OTOA: variants seen among roughly 807,000 people sequenced by gnomAD.
The protein encoded by OTOA is cancer/testis antigen 108.
In OTOA, 70 loss-of-function variants were observed where a neutral mutation model predicts 110.8. The observed-to-expected ratio is 0.63, with a 90% CI of 0.52 to 0.77. The LOEUF (loss-of-function observed/expected upper bound fraction) is 0.77, where lower values mean the gene tolerates loss of function less well. OTOA is among the 30% of genes least tolerant of loss of function. OTOA has a pLI of 0.00. For missense variants in OTOA, 917 were observed against 1,075.8 expected (o/e 0.85, Z 2.06); for synonymous variants, 373 against 431.5 (o/e 0.86, Z 1.68).
intron 22 of OTOA, among the ~76,000 whole-genome samples, chr16:21,738,697 T>A (rs1244758613): frequency 1.3e-5 from 2 of 152,224 alleles, no homozygotes; most frequent in African/African-American, 4.8e-5. Flanking sequence ...TCTGCTTGTA[T>A]GCTCATGGAG....
At position 21,700,821 on chromosome 16, in the gene OTOA, AG is replaced by A; in HGVS notation, c.841-64del. On this transcript the variant is annotated intron_variant, in intron 10 of 28. Transcript: ENST00000646100. ...ATGATGGGGCACAGTGCAGACCACC[AG>A]GGTGGGGCCACACTGGGCCACTTCC... 3 of 1,595,188 alleles carry A rather than the reference AG, an allele frequency of 1.9e-6. No individual in the cohort carries two copies. In the East Asian group the frequency reaches 6.7e-5, roughly 36 times the overall value.
chr16:21,674,642 G>GTT (rs79596787), intron 1 of OTOA, among the ~76,000 whole-genome samples: 2 of 145,122 alleles, frequency 1.4e-5, no homozygotes, highest in African/African-American at 5.0e-5. Context: ...CTTCATTATG[G>GTT]TTTTTTTTTT....
intron 18 of OTOA, among the ~76,000 whole-genome samples, chr16:21,724,092 A>ACACC (rs984435627): frequency 6.6e-6 from 1 of 152,166 alleles, no homozygotes; most frequent in Non-Finnish European, 1.5e-5. Flanking sequence ...GTGCTGTTAC[A>ACACC]CACCTCTGTT....
intron 9 of OTOA, among the ~76,000 whole-genome samples, chr16:21,692,669 T>A (rs1445646198): frequency 4.6e-5 from 7 of 152,030 alleles, no homozygotes; most frequent in Admixed American, 3.9e-4. Flanking sequence ...GGCTCATGCC[T>A]ACAATCCAGC....
At position 21,705,400 on chromosome 16, in the gene OTOA, C is replaced by T. The variant is rs888303052; in HGVS notation, c.1104+108C>T. The T allele has an allele frequency of 4.5e-6, 7 of 1,561,082 alleles. No homozygotes were observed. The African/African-American group carries it at 5.4e-5, about 12-fold the overall frequency. On this transcript the variant is annotated intron_variant, in intron 12 of 28. Transcript: ENST00000646100. ...TTGGGAGAAAACACACAGCATTAGT[C>T]GGGATTTAAGTCCAGTCACAGCAGA... is the stretch of plus-strand genomic sequence containing the variant.
intron 1 of OTOA, among the ~76,000 whole-genome samples, chr16:21,674,950 G>A (rs777668332): frequency 6.2e-5 from 7 of 112,886 alleles, no homozygotes; most frequent in African/African-American, 1.4e-4. Context: ...ATGCCTTGGC[G>A]TGGCTTTATT....
chr16:21,681,003 T>A (rs1028798595), intron 5 of OTOA, among the ~76,000 whole-genome samples: 4 of 152,228 alleles, frequency 2.6e-5, no homozygotes, highest in South Asian at 2.1e-4. Flanking sequence ...ACAAGAAAAT[T>A]TATCAAATTG....
At chr16:21,685,136 A>AC in intron 6 of OTOA, 94 bp from the exon 7 acceptor site, 1 of 1,528,822 alleles carries the variant, frequency 6.5e-7, no homozygotes, top group Non-Finnish European at 8.9e-7. Context: ...CTCTGCAGGG[A>AC]ATGAGGGGGC....
At chr16:21,689,109 G>A (rs1472728067) in intron 8 of OTOA, among the ~76,000 whole-genome samples, 1 of 151,882 alleles carries the variant, frequency 6.6e-6, no homozygotes, top group African/African-American at 2.4e-5. Context: ...GACTTGAAGG[G>A]CCATAGGCAT....
chr16:21,711,251 G>C (rs1002452212), intron 13 of OTOA, among the ~76,000 whole-genome samples: 1 of 152,116 alleles, frequency 6.6e-6, no homozygotes, highest in Non-Finnish European at 1.5e-5. Flanking sequence ...CCATTACTTT[G>C]GGATTAGGGA....
intron 1 of OTOA, among the ~76,000 whole-genome samples, chr16:21,667,277 G>A (rs1157972952): frequency 1.3e-5 from 2 of 152,222 alleles, no homozygotes; most frequent in African/African-American, 4.8e-5. Context: ...TGTTTTCAAA[G>A]CTGGTTGTGG....
chr16:21,683,615 A>G (rs1296429836), intron 6 of OTOA, among the ~76,000 whole-genome samples: 1 of 151,802 alleles, frequency 6.6e-6, no homozygotes, highest in African/African-American at 2.4e-5. Context: ...CTGAGGCAGG[A>G]GGATTGCTTG....
At chr16:21,668,429 G>GT (rs1966844811) in intron 1 of OTOA, among the ~76,000 whole-genome samples, 1 of 147,724 alleles carries the variant, frequency 6.8e-6, no homozygotes, top group Admixed American at 6.7e-5. Context: ...TTATTTTATG[G>GT]TATTTTTTGT....
intron 17 of OTOA, among the ~76,000 whole-genome samples, chr16:21,719,721 C>T (rs1898671195): frequency 6.6e-6 from 1 of 152,086 alleles, no homozygotes; most frequent in South Asian, 2.1e-4. Context: ...TTGGTTATTC[C>T]ATACTCAAAT....
At chr16:21,713,422 G>A (rs528444453) in intron 13 of OTOA, among the ~76,000 whole-genome samples, 18 of 152,278 alleles carry the variant, frequency 1.2e-4, no homozygotes, top group Middle Eastern at 3.4e-3. Flanking sequence ...CTGCAGCTCC[G>A]AGGGCTGGTC....
At chr16:21,678,738 G>T in intron 2 of OTOA, 133 bp downstream of exon 2, 1 of 1,160,284 alleles carries the variant, frequency 8.6e-7, no homozygotes. Flanking sequence ...GATTTTTCAG[G>T]ATTATTCTAA....
At chr16:21,743,999 C>T (rs1899572685) in intron 23 of OTOA, among the ~76,000 whole-genome samples, 2 of 137,882 alleles carry the variant, frequency 1.5e-5, no homozygotes, top group Admixed American at 1.5e-4. Flanking sequence ...ATGGTTAAAG[C>T]AAGCTAACAT....
At chr16:21,715,196 T>A in intron 14 of OTOA, 44 bp downstream of exon 14, 1 of 1,612,512 alleles carries the variant, frequency 6.2e-7, no homozygotes, top group Non-Finnish European at 8.5e-7. Flanking sequence ...TCACAGGGGG[T>A]ATGTTTTTGG....
intron 13 of OTOA, among the ~76,000 whole-genome samples, chr16:21,714,369 C>CCT (rs1370788884): frequency 0.018 from 2,066 of 113,712 alleles, 18 homozygotes; most frequent in Non-Finnish European, 0.026. Context: ...CTCTTTCTTT[C>CCT]TCTCTCTTTC....
Sources: allele counts gnomAD v4.1 joint callset (sites outside exome capture counted in the v4.1 genomes callset), GRCh38; gene constraint gnomAD v4.1.1; transcripts MANE v1.5; gene names NCBI Gene and HGNC (gene_info 2026-07-23, HGNC 2026-07-21).